The following TTC16 variants were observed in gnomAD, a reference collection of about 807,000 sequenced individuals.
The protein encoded by TTC16 is tetratricopeptide repeat domain 16, also known as tetratricopeptide repeat protein 16.
TTC16 carries 66 observed loss-of-function variants against 80.4 expected under a neutral mutation model. The observed-to-expected ratio is 0.82, with a 90% CI of 0.67 to 1.01. The LOEUF (loss-of-function observed/expected upper bound fraction) is 1.01, where lower values mean the gene tolerates loss of function less well. Among genes scored for constraint, TTC16 ranks in the 50% least tolerant of loss-of-function variants. TTC16 has a pLI of 0.00. For missense variants in TTC16, 1,070 were observed against 1,103.2 expected (o/e 0.97, Z 0.43); for synonymous variants, 438 against 451.3 (o/e 0.97, Z 0.37).
At chr9:127,726,122 G>A (rs1409658731) in intron 9 of TTC16, 117 bp from the exon 10 acceptor site, 2 of 783,498 alleles carry the variant, frequency 2.6e-6, no homozygotes, top group Non-Finnish European at 3.8e-6. Flanking sequence ...GAGGGGCGTG[G>A]TGAGGGGAGC....
chr9:127,716,946 G>GT lies in TTC16; in HGVS notation c.122dup (p.Phe42ValfsTer6). Reference sequence around the variant, plus strand: ...GCAGCACATCTTTGGGACCAGCCACGTGTTCCAAAGCATCTGTGATGTAAA... The same window carrying GT: ...GCAGCACATCTTTGGGACCAGCCACGTTGTTCCAAAGCATCTGTGATGTAAA... On this transcript the variant is annotated frameshift_variant, in exon 2 of 14. Transcript: ENST00000373289. LOFTEE classifies it high-confidence loss of function. 6.2e-7 allele frequency: 1 copy of GT among 1,614,188 alleles called. No homozygotes were observed. The highest frequency in any genetic ancestry group is 8.5e-7 in the Non-Finnish European group (1 of 1,180,032).
At chr9:127,716,226 T>A in intron 1 of TTC16, 63 bp downstream of exon 1, 2 of 1,612,128 alleles carry the variant, frequency 1.2e-6, no homozygotes, top group Non-Finnish European at 1.7e-6. Context: ...CGAGGCTGGG[T>A]TCGCAGGAAA....
Position 127,731,198 on chromosome 9 carries a change from T to C in TTC16, c.2415T>C (p.Thr805=), listed in dbSNP as rs1844391818. The C allele has an allele frequency of 6.2e-7, 1 of 1,612,484 alleles. No homozygotes were observed. The highest frequency in any genetic ancestry group is 8.5e-7 in the Non-Finnish European group (1 of 1,179,762). ...SRGLLRSSTK[T]EAFYDSNWSL... is the part of the protein sequence containing the mutation. ...GACTGCTCCGAAGTTCCACCAAGAC[T>C]GAGGCTTTCTATGACTCAAACTGGA... Residue 805 remains threonine, a synonymous_variant, in exon 14 of 14, where the codon ACT becomes ACC. Transcript: ENST00000373289.
Position 127,730,653 on chromosome 9 carries a change from TC to T in TTC16, c.1871del (p.Ser624Ter), listed in dbSNP as rs1287348351. On this transcript the variant is annotated frameshift_variant, in exon 14 of 14. Transcript: ENST00000373289. LOFTEE classifies it low-confidence loss of function (END_TRUNC). Reference protein sequence around the residue: ...SSMSFRTTGTSETEMSAICQE... With the variant: ...SSMSFRTTGTXETEMSAICQE... ...CTTCCTAGTCAGGACCACAGGCACCTCAGAGACTGAGATGTCGGCTATCTGC... is the reference window on the plus strand; with the variant it reads ...CTTCCTAGTCAGGACCACAGGCACCTAGAGACTGAGATGTCGGCTATCTGC... 3 of 1,612,746 alleles carry T rather than the reference TC, an allele frequency of 1.9e-6. No homozygotes were observed. The highest frequency in any genetic ancestry group is 2.5e-6 in the Non-Finnish European group (3 of 1,179,970).
At position 127,731,020 on chromosome 9, in the gene TTC16, C is replaced by T; in HGVS notation, c.2237C>T (p.Ser746Phe). 1 of 1,612,944 alleles carries T rather than the reference C, an allele frequency of 6.2e-7. No homozygotes were observed. The highest frequency in any genetic ancestry group is 2.2e-5 in the East Asian group (1 of 44,860). ...GCCACTCAGGGCCAGAGGCAGAGCT[C>T]CAGCGAGATTGAGGCCACCCAGGGC... ...TEATQGQRQSSSEIEATQGPR... is the reference protein window; with the variant it reads ...TEATQGQRQSFSEIEATQGPR... The change falls in exon 14 of 14, where the codon TCC (serine) becomes TTC (phenylalanine). Residue 746 changes from serine to phenylalanine, a missense_variant. By Grantham distance (155) the Ser-to-Phe change is radical. Coordinates refer to ENST00000373289, the MANE Select transcript of TTC16 (RefSeq NM_144965.3).
chr9:127,716,859 G>A lies in TTC16; in HGVS notation c.34G>A (p.Asp12Asn). 1 of 1,612,818 alleles carries A rather than the reference G, an allele frequency of 6.2e-7. No homozygotes were observed. The highest frequency in any genetic ancestry group is 1.7e-4 in the Middle Eastern group (1 of 5,894). ...TDSDEDALKVDQGPSRDIPKP... is the reference protein window; with the variant it reads ...TDSDEDALKVNQGPSRDIPKP... ...TCGGTTCTAGGATGCCCTGAAGGTT[G>A]ACCAGGGCCCCTCACGGGACATCCC... Residue 12 changes from aspartate to asparagine, a missense_variant, in exon 2 of 14, where the codon GAC (aspartate) becomes AAC (asparagine). Physicochemically the swap from Asp to Asn is conservative, Grantham distance 23. Transcript: ENST00000373289.
At position 127,724,309 on chromosome 9, in the gene TTC16, G is replaced by C; in HGVS notation, c.1062G>C (p.Leu354=). ...QGAYQEGVLL[L]NKALRDEQQE... is the part of the protein sequence containing the mutation. Reference sequence around the variant, plus strand: ...CCTACCAGGAGGGCGTGCTGCTGCTGAACAAGGCCCTCCGGGACGAGCAGC... The same window carrying C: ...CCTACCAGGAGGGCGTGCTGCTGCTCAACAAGGCCCTCCGGGACGAGCAGC... The change falls in exon 8 of 14, where the codon CTG becomes CTC. Residue 354 remains leucine (L), a synonymous_variant. Transcript: ENST00000373289. 6.2e-7 allele frequency: 1 copy of C among 1,611,618 alleles called. No homozygotes were observed. Among genetic ancestry groups the C allele is most frequent in the Admixed American group, 1.7e-5 (1 of 59,956 alleles).
rs1843722428 is a variant in TTC16, at chr9:127,724,187, A to G, written c.940A>G (p.Met314Val). The change falls in exon 8 of 14, where the codon ATG (methionine) becomes GTG (valine). Residue 314 changes from methionine to valine, a missense_variant. Physicochemically the swap from Met to Val is conservative, Grantham distance 21. Transcript: ENST00000373289. ...AVEDFLKVLD[M>V]VTEDQEDMVR... ...GGAGGACTTCCTGAAGGTGCTGGAC[A>G]TGGTGACCGAGGACCAGGAGGACAT... The G allele has an allele frequency of 1.9e-6, 3 of 1,613,288 alleles. No homozygotes were observed. The highest frequency in any genetic ancestry group is 1.1e-5 in the South Asian group (1 of 91,088).
Position 127,727,427 on chromosome 9 carries a change from C to T in TTC16, c.1726C>T (p.Pro576Ser). 6.2e-7 allele frequency: 1 copy of T among 1,605,792 alleles called. No individual in the cohort carries two copies. The highest frequency in any genetic ancestry group is 8.5e-7 in the Non-Finnish European group (1 of 1,176,800). Residue 576 changes from proline to serine, a missense_variant, in exon 12 of 14, where the codon CCT becomes TCT. By Grantham distance (74) the Pro-to-Ser change is moderately conservative. Coordinates refer to ENST00000373289, the MANE Select transcript of TTC16 (RefSeq NM_144965.3). ...PGSSEGEAEA[P>S]EEEEEKEKEK... ...AAGCTCAGAGGGAGAGGCTGAGGCCCCTGAGGAGGAGGAAGAAAAGGAGAA... is the reference window on the plus strand; with the variant it reads ...AAGCTCAGAGGGAGAGGCTGAGGCCTCTGAGGAGGAGGAAGAAAAGGAGAA...
At chr9:127,726,548 G>A in intron 10 of TTC16, 144 bp downstream of exon 10, 1 of 1,027,682 alleles carries the variant, frequency 9.7e-7, no homozygotes, top group South Asian at 2.0e-5. Flanking sequence ...AGCACTTTGG[G>A]AGCCCAAGGC....
At position 127,724,848 on chromosome 9, in the gene TTC16, C is replaced by CG. The variant is rs1307214949; in HGVS notation, c.1211dup (p.Met405HisfsTer90). 5 of 1,593,750 alleles carry CG rather than the reference C, an allele frequency of 3.1e-6. No homozygotes were observed. The East Asian group carries it at 1.1e-4, about 36-fold the overall frequency. On this transcript the variant is annotated frameshift_variant, in exon 9 of 14. Transcript: ENST00000373289. LOFTEE classifies it high-confidence loss of function. Reference sequence around the variant, plus strand: ...CCCTCAGGACGAGGGCGCCAACACGCGCATGGGCCTGCTGCAGGAGAAGAT... The same window carrying CG: ...CCCTCAGGACGAGGGCGCCAACACGCGGCATGGGCCTGCTGCAGGAGAAGAT...
At position 127,717,071 on chromosome 9, in the gene TTC16, C is replaced by G. The variant is rs979904918; in HGVS notation, c.191+55C>G. 3.1e-5 allele frequency: 49 copies of G among 1,590,304 alleles called. 1 individual carries two copies. Among genetic ancestry groups the G allele is most frequent in the Admixed American group, 6.8e-5 (4 of 59,228 alleles). ...GGTTCCTGCCCGACACAGCCATTCACATGCTGTGCAGCTTTGAGCCACTTA... is the reference window on the plus strand; with the variant it reads ...GGTTCCTGCCCGACACAGCCATTCAGATGCTGTGCAGCTTTGAGCCACTTA... On this transcript the variant is annotated intron_variant, in intron 2 of 13. Transcript: ENST00000373289.
chr9:127,724,845 A>G lies in TTC16; in HGVS notation c.1207A>G (p.Thr403Ala). 6.3e-7 allele frequency: 1 copy of G among 1,596,594 alleles called. No homozygotes were observed. Among genetic ancestry groups the G allele is most frequent in the Non-Finnish European group, 8.5e-7 (1 of 1,172,724 alleles). Reference sequence around the variant, plus strand: ...GAGCCCTCAGGACGAGGGCGCCAACACGCGCATGGGCCTGCTGCAGGAGAA... The same window carrying G: ...GAGCCCTCAGGACGAGGGCGCCAACGCGCGCATGGGCCTGCTGCAGGAGAA... ...ALSPQDEGAN[T>A]RMGLLQEKMG... The change falls in exon 9 of 14, where the codon ACG (threonine) becomes GCG (alanine). Residue 403 changes from threonine to alanine, a missense_variant. Thr to Ala is a moderately conservative substitution (Grantham distance 58). Transcript: ENST00000373289.
intron 6 of TTC16, among the ~76,000 whole-genome samples, chr9:127,720,935 C>T (rs1197681992): frequency 9.4e-5 from 12 of 128,100 alleles, no homozygotes; most frequent in African/African-American, 4.1e-4. Context: ...CTCCCTTCCC[C>T]CTTCCTCCTT....
At position 127,729,683 on chromosome 9, in the gene TTC16, C is replaced by A. The variant is rs747774634; in HGVS notation, c.1852+15C>A. 3 of 1,611,048 alleles carry A rather than the reference C, an allele frequency of 1.9e-6. No individual in the cohort carries two copies. In the South Asian group the frequency reaches 3.3e-5, roughly 18 times the overall value. On this transcript the variant is annotated intron_variant, in intron 13 of 13. Transcript: ENST00000373289. ...CAGCATGAGCTGTAAGTCCCTGGTG[C>A]TTCCGCCAGGCCTCAGGAAGCTAAG...
intron 11 of TTC16, 36 bp downstream of exon 11, chr9:127,727,148 G>T: frequency 6.5e-7 from 1 of 1,542,160 alleles, no homozygotes. Flanking sequence ...GCCAGGGCTG[G>T]GGAATGGCTG....
chr9:127,720,035 G>A, intron 4 of TTC16, 43 bp from the exon 5 acceptor site: 2 of 1,585,564 alleles, frequency 1.3e-6, no homozygotes, highest in Non-Finnish European at 1.7e-6. Flanking sequence ...GGTGCAGCTG[G>A]GCTGGGGTGG....
chr9:127,720,253 C>T lies in TTC16; in HGVS notation c.528-13C>T, dbSNP rs747641545. On this transcript the variant is annotated splice_polypyrimidine_tract_variant and intron_variant, in intron 5 of 13. Transcript: ENST00000373289. Reference sequence around the variant, plus strand: ...CACCCGGGAAACGAGCACTCTGTGCCCTCTGCCCTCAGCATGGCCTGTCTC... The same window carrying T: ...CACCCGGGAAACGAGCACTCTGTGCTCTCTGCCCTCAGCATGGCCTGTCTC... The T allele has an allele frequency of 1.2e-6, 2 of 1,613,402 alleles. No individual in the cohort carries two copies. The highest frequency in any genetic ancestry group is 2.2e-5 in the East Asian group (1 of 44,882).
intron 6 of TTC16, among the ~76,000 whole-genome samples, chr9:127,721,431 A>G (rs1011878941): frequency 1.4e-5 from 2 of 147,122 alleles, no homozygotes; most frequent in Non-Finnish European, 3.0e-5. Context: ...AAGGATCCAG[A>G]AGGGTGCCTG....
Sources: gnomAD v4.1 joint callset for allele counts (sites outside exome capture counted in the v4.1 genomes callset) on GRCh38, gnomAD v4.1.1 for gene constraint, MANE v1.5 for transcripts, NCBI Gene and HGNC (gene_info 2026-07-23, HGNC 2026-07-21) for gene names.